The following MRPL36 variants were observed in gnomAD, a reference collection of about 807,000 sequenced individuals.
MRPL36 encodes mitochondrial ribosomal protein L36.
In MRPL36, 1 loss-of-function variant was observed where a neutral mutation model predicts 2.8. The observed-to-expected ratio is 0.36, with a 90% CI of 0.13 to 1.69. MRPL36 has a LOEUF of 1.69. Ranked by LOEUF, MRPL36 falls within the 40% of genes most tolerant of loss-of-function variation. The probability of loss-of-function intolerance (pLI) is 0.35; values close to 1 mark genes in which losing one functional copy is unlikely to be tolerated. For synonymous variants in MRPL36, 68 were observed against 54.8 expected (o/e 1.24, Z -1.06); for missense variants, 148 against 132.7 (o/e 1.12, Z -0.57).
intron 1 of MRPL36, 186 bp from the exon 2 acceptor site, chr5:1,799,133 A>T: frequency 1.8e-6 from 1 of 541,052 alleles, no homozygotes; most frequent in Non-Finnish European, 3.3e-6. Context: ...GTGTGCCAGG[A>T]GAATAAGGGG....
chr5:1,798,846 T>C lies in MRPL36; in HGVS notation c.90A>G (p.Leu30=), dbSNP rs749561344. The change falls in exon 2 of 2, where the codon CTA becomes CTG. Residue 30 remains leucine, a synonymous_variant. Coordinates refer to ENST00000505059, the MANE Select transcript of MRPL36 (RefSeq NM_032479.4). ...GGGCTGCACCTCGAATGGATCCAAA[T>C]AGAAATGTGGAGAGGGCTCGAGGCT... is the stretch of plus-strand genomic sequence containing the variant. The part of the protein sequence containing the change: ...TVKPRALSTF[L]FGSIRGAAPV... 13 of 1,613,908 alleles carry C rather than the reference T, an allele frequency of 8.1e-6. No individual in the cohort carries two copies. In the East Asian group the frequency reaches 8.9e-5, roughly 11 times the overall value.
At chr5:1,799,178 C>G in intron 1 of MRPL36, 1 of 468,552 alleles carries the variant, frequency 2.1e-6, no homozygotes. Context: ...TTCCCGCCTG[C>G]TGCAAGTGTA....
upstream of MRPL36, among the ~76,000 whole-genome samples, chr5:1,800,377 TC>T (rs902185017): frequency 5.3e-5 from 8 of 152,318 alleles, no homozygotes; most frequent in African/African-American, 1.9e-4. Context: ...CCATTCGCCT[TC>T]CTTTTTGTGT....
upstream of MRPL36, chr5:1,801,395 G>T: frequency 1.2e-6 from 2 of 1,602,976 alleles, no homozygotes. Flanking sequence ...ACGTTGCGCC[G>T]GGTCAAAGGC....
Position 1,798,669 on chromosome 5 carries a change from G to C in MRPL36, c.267C>G (p.Tyr89Ter), listed in dbSNP as rs746972875. ...GCCTCGGATGGGTTTTACAGTAGAC[G>C]TACCACCGACCCCGCCTCTTCACCA... is the stretch of plus-strand genomic sequence containing the variant. ...CYLVKRRGRW[Y>*]VYCKTHPRHK... The change falls in exon 2 of 2, where the codon TAC becomes TAG. Residue 89 changes from tyrosine to a stop codon, truncating the protein, a stop_gained. Coordinates refer to ENST00000505059, the MANE Select transcript of MRPL36 (RefSeq NM_032479.4). LOFTEE classifies it high-confidence loss of function. The C allele has an allele frequency of 6.2e-7, 1 of 1,613,676 alleles. No individual in the cohort carries two copies. Among genetic ancestry groups the C allele is most frequent in the Non-Finnish European group, 8.5e-7 (1 of 1,179,752 alleles).
rs555376990 is a variant in MRPL36 at position 1,798,397 on chromosome 5, C to A, written c.*227G>T. On this transcript the variant is annotated 3_prime_UTR_variant, in exon 2 of 2. Coordinates refer to ENST00000505059, the MANE Select transcript of MRPL36 (RefSeq NM_032479.4). ...GAATGAACTAAGCTATTCGGAAGGTCTATTTTAATAGGAAAATGTTTTTTA... is the reference window on the plus strand; with the variant it reads ...GAATGAACTAAGCTATTCGGAAGGTATATTTTAATAGGAAAATGTTTTTTA... 2.1e-5 allele frequency: 10 copies of A among 477,172 alleles called. No individual in the cohort carries two copies. Among genetic ancestry groups the A allele is most frequent in the African/African-American group, 1.7e-4 (9 of 51,642 alleles). 29.6% of individuals were successfully genotyped at this position (477,172 alleles called of 1,614,324 possible).
upstream of MRPL36, chr5:1,801,288 C>T (rs1734029132): frequency 1.5e-6 from 2 of 1,365,540 alleles, no homozygotes; most frequent in Non-Finnish European, 2.0e-6. Context: ...TCCGGCGCAC[C>T]CTCTGCCCCG....
rs369323591 is a variant in MRPL36, at chr5:1,798,951, T to C, written c.-12-4A>G. The C allele has an allele frequency of 1.2e-5, 18 of 1,556,460 alleles. No individual in the cohort carries two copies. The African/African-American group carries it at 2.3e-4, about 20-fold the overall frequency. Reference sequence around the variant, plus strand: ...GATTTGCCATGTTGTGGTGAATCTATGGGAGAGAGAAAAAAAGGAGTTATA... The same window carrying C: ...GATTTGCCATGTTGTGGTGAATCTACGGGAGAGAGAAAAAAAGGAGTTATA... On this transcript the variant is annotated splice_region_variant and splice_polypyrimidine_tract_variant and intron_variant, in intron 1 of 1. Coordinates refer to ENST00000505059, the MANE Select transcript of MRPL36 (RefSeq NM_032479.4).
rs538970946 is a variant in MRPL36 at position 1,798,493 on chromosome 5, G to T, written c.*131C>A. ...ACTCATTTACACTGAAACGTGATGG[G>T]TAACTTTTAGGGCGTTTGCTTCCAG... On this transcript the variant is annotated 3_prime_UTR_variant, in exon 2 of 2. Coordinates refer to ENST00000505059, the MANE Select transcript of MRPL36 (RefSeq NM_032479.4). 3.8e-6 allele frequency: 3 copies of T among 797,524 alleles called. No individual in the cohort carries two copies. Among genetic ancestry groups the T allele is most frequent in the African/African-American group, 3.5e-5 (2 of 57,536 alleles). 49.4% of individuals were successfully genotyped at this position (797,524 alleles called of 1,614,324 possible). A position where few individuals can be genotyped will look rare whatever the true frequency, so the allele number is the denominator to read the frequency against.
At chr5:1,801,306 C>T (rs1344278306), upstream of MRPL36, 13 of 1,300,698 alleles carry the variant, frequency 1.0e-5, no homozygotes, top group East Asian at 2.6e-4. Context: ...CCGACCCGCG[C>T]TCCCCGCCCC....
chr5:1,800,501 C>A, upstream of MRPL36, among the ~76,000 whole-genome samples: 1 of 152,200 alleles, frequency 6.6e-6, no homozygotes, highest in South Asian at 2.1e-4. Flanking sequence ...CCGGGCGGGC[C>A]GCTGGAGTTT....
At chr5:1,801,362 C>G, upstream of MRPL36, 1 of 1,580,792 alleles carries the variant, frequency 6.3e-7, no homozygotes, top group Non-Finnish European at 8.6e-7. Context: ...AGAAGCCGTG[C>G]GCATGCGTTA....
At chr5:1,799,878 G>A (rs980701963), upstream of MRPL36, 3 of 147,468 alleles carry the variant, frequency 2.0e-5, no homozygotes, top group Non-Finnish European at 4.5e-5. Flanking sequence ...ATGGCGGCGG[G>A]GGGGGGGGTC....
chr5:1,801,326 A>G (rs879743316), upstream of MRPL36: 39 of 1,523,644 alleles, frequency 2.6e-5, no homozygotes, highest in Non-Finnish European at 3.3e-5. Flanking sequence ...CCAGGGCGAA[A>G]TAAATACCGG....
At position 1,798,753 on chromosome 5, in the gene MRPL36, C is replaced by T. The variant is rs1733925853; in HGVS notation, c.183G>A (p.Leu61=). 2 of 1,614,030 alleles carry T rather than the reference C, an allele frequency of 1.2e-6. No individual in the cohort carries two copies. The highest frequency in any genetic ancestry group is 1.7e-6 in the Non-Finnish European group (2 of 1,179,958). The change falls in exon 2 of 2, where the codon CTG becomes CTA. Residue 61 remains leucine (L), a synonymous_variant. Transcript: ENST00000505059. ...LLSPGLLPHL[L]PALGFKNKTV... ...TCTTGTTTTTGAACCCCAGCGCAGG[C>T]AGCAGATGGGGCAGGAGGCCGGGTG... is the stretch of plus-strand genomic sequence containing the variant.
Position 1,798,570 on chromosome 5 carries a change from A to C in MRPL36, c.*54T>G. The C allele has an allele frequency of 2.6e-6, 4 of 1,527,926 alleles. No homozygotes were observed. The highest frequency in any genetic ancestry group is 3.6e-6 in the Non-Finnish European group (4 of 1,120,986). The allele number at this position is 1,527,926 out of a possible 1,614,324, so 94.6% of individuals were successfully genotyped here. On this transcript the variant is annotated 3_prime_UTR_variant, in exon 2 of 2. Coordinates refer to ENST00000505059, the MANE Select transcript of MRPL36 (RefSeq NM_032479.4). ...ATAATTCCTTCCATAAGATACAACC[A>C]TTCTCCCAAGTGATGCGATGACGAG...
upstream of MRPL36, among the ~76,000 whole-genome samples, chr5:1,800,640 C>T (rs1734009278): frequency 6.6e-6 from 1 of 152,300 alleles, no homozygotes; most frequent in African/African-American, 2.4e-5. Context: ...GCCACTCATC[C>T]ATCTCTAGTG....
chr5:1,798,540 A>C lies in MRPL36; in HGVS notation c.*84T>G, dbSNP rs912542661. On this transcript the variant is annotated 3_prime_UTR_variant, in exon 2 of 2. Coordinates refer to ENST00000505059, the MANE Select transcript of MRPL36 (RefSeq NM_032479.4). The stretch of plus-strand genomic sequence containing the variant: ...CCAGTCACTTTCCCCTGACTCCTTG[A>C]TGTGATAATTCCTTCCATAAGATAC... 89 of 1,387,052 alleles carry C rather than the reference A, an allele frequency of 6.4e-5. No individual in the cohort carries two copies. The highest frequency in any genetic ancestry group is 8.3e-5 in the Non-Finnish European group (84 of 1,008,758). The allele number at this position is 1,387,052 out of a possible 1,614,324, so 85.9% of individuals were successfully genotyped here.
chr5:1,801,368 C>T (rs762579323), upstream of MRPL36: 1 of 1,594,980 alleles, frequency 6.3e-7, no homozygotes, highest in Non-Finnish European at 8.5e-7. Context: ...CGTGCGCATG[C>T]GTTAGCGCTA....
Sources: gnomAD v4.1 joint callset for allele counts (sites outside exome capture counted in the v4.1 genomes callset) on GRCh38, gnomAD v4.1.1 for gene constraint, MANE v1.5 for transcripts, NCBI Gene and HGNC (gene_info 2026-07-23, HGNC 2026-07-21) for gene names.